NEDD9: variants seen among roughly 807,000 people sequenced by gnomAD.
NEDD9 encodes the protein enhancer of filamentation 1.
Under a neutral mutation model 76.6 loss-of-function variants are expected in NEDD9, and 26 were observed. The observed-to-expected ratio is 0.34, with a 90% CI of 0.25 to 0.47. The LOEUF is 0.47. NEDD9 is among the 20% of genes least tolerant of loss of function. The pLI is 1.00. For synonymous variants in NEDD9, 392 were observed against 414.2 expected (o/e 0.95, Z 0.65); for missense variants, 937 against 1,058.5 (o/e 0.89, Z 1.59).
At chr6:11,189,738 T>C (rs935996483) in intron 5 of NEDD9, among the ~76,000 whole-genome samples, 4 of 152,156 alleles carry the variant, frequency 2.6e-5, no homozygotes, top group African/African-American at 9.7e-5. Context: ...AATAAGTTGG[T>C]CACACAGTAA....
chr6:11,188,128 A>T (rs1758022404), intron 6 of NEDD9, 90 bp downstream of exon 6: 2 of 1,037,220 alleles, frequency 1.9e-6, no homozygotes, highest in Admixed American at 3.6e-5. Flanking sequence ...GGAAGAATCA[A>T]AATCATAATC....
In NEDD9 at chr6:11,191,197, G is replaced by A; in HGVS notation, c.672C>T (p.Ala224=). The A allele has an allele frequency of 1.3e-6, 2 of 1,586,818 alleles. No homozygotes were observed. Among genetic ancestry groups the A allele is most frequent in the Non-Finnish European group, 1.7e-6 (2 of 1,167,514 alleles). The change falls in exon 5 of 7, where the codon GCC becomes GCT. Residue 224 remains alanine (A), a synonymous_variant. Transcript: ENST00000379446. ...CATCCCGGCAAGCAGAGGGCGGAAT[G>A]GCATATACCTGCAAAGCAAGTAGAA... ...YDIPPTKGVY[A]IPPSACRDEA...
At chr6:11,208,061 C>G (rs1758662765) in intron 2 of NEDD9, among the ~76,000 whole-genome samples, 1 of 151,944 alleles carries the variant, frequency 6.6e-6, no homozygotes, top group Non-Finnish European at 1.5e-5. Context: ...GCCTATAGTC[C>G]CAGCTACTGG....
intron 3 of NEDD9, among the ~76,000 whole-genome samples, chr6:11,273,598 G>A (rs1469668088): frequency 6.6e-6 from 1 of 152,156 alleles, no homozygotes; most frequent in East Asian, 1.9e-4. Context: ...CTTTCCGGCC[G>A]GCAGATTCCG....
At chr6:11,283,290 T>C (rs1054628341) in intron 3 of NEDD9, among the ~76,000 whole-genome samples, 2 of 152,254 alleles carry the variant, frequency 1.3e-5, no homozygotes, top group Non-Finnish European at 2.9e-5. Flanking sequence ...GTTTATTTGC[T>C]GATTACCTGT....
At chr6:11,227,036 A>G (rs369084390) in intron 1 of NEDD9, among the ~76,000 whole-genome samples, 1 of 152,208 alleles carries the variant, frequency 6.6e-6, no homozygotes, top group African/African-American at 2.4e-5. Context: ...ATCCTCTTAA[A>G]TGGCTATTTG....
intron 1 of NEDD9, among the ~76,000 whole-genome samples, chr6:11,214,785 C>G (rs944784883): frequency 6.6e-6 from 1 of 152,162 alleles, no homozygotes; most frequent in Non-Finnish European, 1.5e-5. Context: ...CAGCACAAGC[C>G]CTCGGAACAC....
intron 1 of NEDD9, among the ~76,000 whole-genome samples, chr6:11,350,063 C>A (rs1762436717): frequency 6.6e-6 from 1 of 152,192 alleles, no homozygotes; most frequent in African/African-American, 2.4e-5. Context: ...CAGGAGCTGG[C>A]CTGGGCAATA....
At position 11,252,916 on chromosome 6, in the gene NEDD9, C is replaced by T. The variant is rs1759938751; in HGVS notation, c.13-39189G>A. Among the ~76,000 whole-genome samples, 1 of 151,688 alleles carries T rather than the reference C, an allele frequency of 6.6e-6. No homozygotes were observed. Among genetic ancestry groups the T allele is most frequent in the South Asian group, 2.1e-4 (1 of 4,796 alleles). ...TTTTTTTTTTCTCCTAAACTTCAAA[C>T]AAGAAATCATTCTTTTGGGAAAATT... On this transcript the variant is annotated intron_variant, in intron 3 of 3. Coordinates refer to the NEDD9 transcript ENST00000397378. This position sits in a 1 kb window ranked among gnomAD's most constrained non-coding sequence, Gnocchi z 4.3.
intron 3 of NEDD9, among the ~76,000 whole-genome samples, chr6:11,257,810 T>TGTGTGTGTGTGTGC (rs1340885962): frequency 1.6e-3 from 241 of 151,402 alleles, no homozygotes; most frequent in African/African-American, 5.7e-3. Flanking sequence ...TGTGTGTGTG[T>TGTGTGTGTGTGTGC]GCAGTACGGC....
At chr6:11,348,802 A>G (rs747384189) in intron 1 of NEDD9, among the ~76,000 whole-genome samples, 16 of 152,156 alleles carry the variant, frequency 1.1e-4, no homozygotes, top group Non-Finnish European at 2.1e-4. Context: ...TAAATGTAAA[A>G]CCCAAAACTA....
chr6:11,291,740 T>C (rs1459291556), intron 3 of NEDD9, among the ~76,000 whole-genome samples: 4 of 152,184 alleles, frequency 2.6e-5, no homozygotes, highest in Non-Finnish European at 5.9e-5. Flanking sequence ...GGTGCCTCTG[T>C]GGGTTACAGC....
upstream of NEDD9, among the ~76,000 whole-genome samples, chr6:11,236,571 A>G (rs1449924514): frequency 6.6e-6 from 1 of 152,230 alleles, no homozygotes; most frequent in African/African-American, 2.4e-5. The surrounding 1 kb of genome is among the most constrained non-coding windows in gnomAD (Gnocchi z 5.5). Flanking sequence ...CCAGCCACTC[A>G]TAGAGAGGGC....
chr6:11,186,713 G>C (rs71548531), intron 6 of NEDD9, among the ~76,000 whole-genome samples: 21,320 of 152,146 alleles, frequency 0.14, 1,880 homozygotes, highest in Non-Finnish European at 0.19. Context: ...CGCCTCCCAG[G>C]TTCACACCAT....
intron 1 of NEDD9, among the ~76,000 whole-genome samples, chr6:11,220,681 G>T (rs1400734869): frequency 6.6e-6 from 1 of 152,172 alleles, no homozygotes; most frequent in Non-Finnish European, 1.5e-5. Context: ...CTGGTGAAAA[G>T]ATCTGATGCT....
At chr6:11,337,589 A>T (rs1762189294) in intron 1 of NEDD9, among the ~76,000 whole-genome samples, 1 of 152,206 alleles carries the variant, frequency 6.6e-6, no homozygotes, top group South Asian at 2.1e-4. Context: ...TTGTTGACTG[A>T]AGCATAGTCA....
In NEDD9 at chr6:11,213,553, G is replaced by C; in HGVS notation, c.187C>G (p.Leu63Val). Residue 63 changes from leucine to valine, a missense_variant, in exon 2 of 7, where the codon CTG becomes GTG. Transcript: ENST00000379446. This position sits in a 1 kb window ranked among gnomAD's most constrained non-coding sequence, Gnocchi z 5.4. ...GIVPGNRVKLLIGPMQETASS... is the reference protein window; with the variant it reads ...GIVPGNRVKLVIGPMQETASS... ...GCAGTCTCCTGCATGGGACCAATCA[G>C]AAGCTTCACCCGGTTGCCTGGGACA... 6.2e-7 allele frequency: 1 copy of C among 1,614,178 alleles called. No individual in the cohort carries two copies.
In NEDD9 at chr6:11,314,940, G is replaced by T. The variant is rs192676006; in HGVS notation, c.-152-8785C>A. ...TATAATTAGTGGGATACCAGAAAAG[G>T]CCTTTATCAGTTATGAATATTATAA... On this transcript the variant is annotated intron_variant, in intron 2 of 3. Transcript: ENST00000397378. Among the ~76,000 whole-genome samples, 8 of 152,262 alleles carry T rather than the reference G, an allele frequency of 5.3e-5. No homozygotes were observed. The East Asian group carries it at 1.5e-3, about 29-fold the overall frequency.
intron 2 of NEDD9, among the ~76,000 whole-genome samples, chr6:11,330,565 C>T (rs549320072): frequency 6.6e-6 from 1 of 152,224 alleles, no homozygotes; most frequent in East Asian, 1.9e-4. Flanking sequence ...GACTGGAAGC[C>T]AATCACTCAG....
Sources: gnomAD v4.1 joint callset for allele counts (sites outside exome capture counted in the v4.1 genomes callset) on GRCh38, gnomAD v4.1.1 for gene constraint, Gnocchi (gnomAD v3.1) non-coding constraint, MANE v1.5 for transcripts, NCBI Gene and HGNC (gene_info 2026-07-23, HGNC 2026-07-21) for gene names.